Variants in PAX5 observed in about 807,000 individuals in gnomAD.
The protein encoded by PAX5 is paired box 5, also known as paired box protein Pax-5.
A neutral mutation model predicts 43.7 loss-of-function variants in PAX5; 9 were observed. That is an observed-to-expected ratio of 0.21 (90% CI 0.12 to 0.36). The LOEUF (loss-of-function observed/expected upper bound fraction) is 0.36. PAX5 is among the 10% of genes least tolerant of loss of function. The pLI is 1.00. For synonymous variants in PAX5, 228 were observed against 214.3 expected, an observed-to-expected ratio of 1.06 and a Z score of -0.56; for missense variants, 383 against 532.7, an observed-to-expected ratio of 0.72 and a Z score of 2.77.
At chr9:37,016,527 CAAG>C (rs2132479627) in intron 2 of PAX5, among the ~76,000 whole-genome samples, 1 of 152,020 alleles carries the variant, frequency 6.6e-6, no homozygotes, top group East Asian at 1.9e-4. Context: ...AAACCAAGAC[CAAG>C]AAGAAGAGTG....
chr9:37,023,058 C>T (rs1839991655), intron 1 of PAX5, among the ~76,000 whole-genome samples: 1 of 151,592 alleles, frequency 6.6e-6, no homozygotes, highest in Admixed American at 6.6e-5. Flanking sequence ...CGAGGCAGGA[C>T]AGGGAAAGAA....
chr9:36,941,119 TGG>T (rs1215389075), intron 6 of PAX5, among the ~76,000 whole-genome samples: 1 of 152,180 alleles, frequency 6.6e-6, no homozygotes, highest in African/African-American at 2.4e-5. Flanking sequence ...TGCAAGGGCG[TGG>T]CCTGCACAGC....
At chr9:36,844,416 G>A (rs745519057) in intron 9 of PAX5, among the ~76,000 whole-genome samples, 9 of 152,146 alleles carry the variant, frequency 5.9e-5, no homozygotes, top group Non-Finnish European at 1.3e-4. Flanking sequence ...GTCCTCTTCC[G>A]TATAATAGAG....
chr9:36,842,511 C>T (rs538105151), intron 9 of PAX5, among the ~76,000 whole-genome samples: 5 of 152,324 alleles, frequency 3.3e-5, no homozygotes, highest in South Asian at 4.1e-4. Flanking sequence ...GACCCTCCAG[C>T]GGGCCTCCGT....
intron 5 of PAX5, among the ~76,000 whole-genome samples, chr9:36,993,863 G>T (rs1341701889): frequency 6.6e-6 from 1 of 152,112 alleles, no homozygotes; most frequent in African/African-American, 2.4e-5. Context: ...CCACATGGCA[G>T]CACCCTGCCC....
chr9:36,873,835 G>A (rs1825695375), intron 8 of PAX5, among the ~76,000 whole-genome samples: 1 of 152,198 alleles, frequency 6.6e-6, no homozygotes, highest in Non-Finnish European at 1.5e-5. Context: ...GGCTGGAAAA[G>A]GTGGCCCTCT....
In PAX5 at chr9:37,034,234, A is replaced by AG; in HGVS notation, c.-204dup. On this transcript the variant is annotated 5_prime_UTR_variant, in exon 1 of 10. Transcript: ENST00000358127. ...AACTAAACGTTTTAGGTGGAAAAAA[A>AG]GCGTCCGAAGGCACCGTGAAATGAT... 1 of 568,606 alleles carries AG rather than the reference A, an allele frequency of 1.8e-6. No homozygotes were observed. Among genetic ancestry groups the AG allele is most frequent in the Non-Finnish European group, 3.1e-6 (1 of 324,194 alleles). 35.2% of individuals were successfully genotyped at this position (568,606 alleles called of 1,614,324 possible).
At chr9:36,952,778 C>T (rs1190792579) in intron 6 of PAX5, among the ~76,000 whole-genome samples, 1 of 152,154 alleles carries the variant, frequency 6.6e-6, no homozygotes, top group Non-Finnish European at 1.5e-5. Flanking sequence ...ATTCCTGTCC[C>T]TTAGGACATT....
At chr9:37,025,299 C>T (rs1840228413) in intron 1 of PAX5, among the ~76,000 whole-genome samples, 1 of 152,334 alleles carries the variant, frequency 6.6e-6, no homozygotes, top group South Asian at 2.1e-4. Flanking sequence ...GGCCACTCAG[C>T]ACTGCGTGGC....
chr9:36,856,603 T>A (rs552934910), intron 8 of PAX5: 1 of 152,186 alleles, frequency 6.6e-6, no homozygotes, highest in South Asian at 2.1e-4. Flanking sequence ...AGTGGTGCAA[T>A]CTCGGCTCAC....
intron 6 of PAX5, among the ~76,000 whole-genome samples, chr9:36,943,466 A>ATCTTACTT (rs1367388737): frequency 3.3e-5 from 5 of 151,574 alleles, no homozygotes; most frequent in African/African-American, 1.2e-4. Flanking sequence ...AATAAAGCTG[A>ATCTTACTT]TCTTACTTGC....
rs551378781 is a variant in PAX5 at position 37,022,781 on chromosome 9, C to A, written c.47-1980G>T. Among the ~76,000 whole-genome samples the A allele has an allele frequency of 3.9e-5, 6 of 152,326 alleles. No individual in the cohort carries two copies. The South Asian group carries it at 1.0e-3, about 26-fold the overall frequency. The stretch of plus-strand genomic sequence containing the variant: ...GAGAGCAGGTCCCCAAACCCTCTAC[C>A]CTTGACCACATAGGCTGAGATAGTA... On this transcript the variant is annotated intron_variant, in intron 1 of 9. Transcript: ENST00000358127.
intron 6 of PAX5, among the ~76,000 whole-genome samples, chr9:36,933,656 T>A (rs1831312576): frequency 6.6e-6 from 1 of 152,204 alleles, no homozygotes; most frequent in South Asian, 2.1e-4. Context: ...ACACACCCAC[T>A]ATCCTCCTCC....
chr9:36,996,864 G>T (rs755508732), intron 5 of PAX5, among the ~76,000 whole-genome samples: 2 of 152,172 alleles, frequency 1.3e-5, no homozygotes, highest in Non-Finnish European at 2.9e-5. Flanking sequence ...TTGAATGAGT[G>T]AATGAGTGTG....
intron 5 of PAX5, among the ~76,000 whole-genome samples, chr9:36,988,012 G>A (rs569412869): frequency 1.3e-5 from 2 of 152,186 alleles, no homozygotes; most frequent in South Asian, 2.1e-4. Context: ...GAAAGGAAAC[G>A]AAGAGCGAGA....
chr9:36,921,502 A>G (rs1161650234), intron 7 of PAX5, among the ~76,000 whole-genome samples: 4 of 152,150 alleles, frequency 2.6e-5, no homozygotes, highest in Non-Finnish European at 2.9e-5. Context: ...CTGCAACTCC[A>G]CTGCTCACCA....
At chr9:37,002,883 T>G in intron 4 of PAX5, 107 bp from the exon 5 acceptor site, 2 of 1,311,940 alleles carry the variant, frequency 1.5e-6, no homozygotes, top group Non-Finnish European at 2.1e-6. Context: ...GAGCGCAGGG[T>G]GGGCAGGGGG....
At chr9:36,911,313 A>G (rs1829264048) in intron 7 of PAX5, among the ~76,000 whole-genome samples, 1 of 150,804 alleles carries the variant, frequency 6.6e-6, no homozygotes, top group Admixed American at 6.7e-5. Flanking sequence ...TCTCCTTTCC[A>G]ATGCACAAAA....
intron 1 of PAX5, among the ~76,000 whole-genome samples, chr9:37,024,909 G>A (rs1306922121): frequency 6.6e-6 from 1 of 152,232 alleles, no homozygotes; most frequent in Non-Finnish European, 1.5e-5. Flanking sequence ...GAGGAGAGAA[G>A]TGCAGGGGCT....
Sources: allele counts gnomAD v4.1 joint callset (sites outside exome capture counted in the v4.1 genomes callset), GRCh38; gene constraint gnomAD v4.1.1; transcripts MANE v1.5; gene names NCBI Gene and HGNC (gene_info 2026-07-23, HGNC 2026-07-21).